Variants in CSMD2 observed in about 807,000 individuals in gnomAD.
The protein encoded by CSMD2 is CUB and sushi domain-containing protein 2.
In CSMD2, 130 loss-of-function variants were observed where a neutral mutation model predicts 398.5. The ratio of observed to expected loss-of-function variants is 0.33; its 90% CI spans 0.28 to 0.38. The LOEUF (loss-of-function observed/expected upper bound fraction) is 0.38, where lower values mean the gene tolerates loss of function less well. CSMD2 is among the 10% of genes least tolerant of loss of function. The probability of loss-of-function intolerance (pLI) is 1.00; values close to 1 mark genes in which losing one functional copy is unlikely to be tolerated. For synonymous variants in CSMD2, 1,828 were observed against 1,908.5 expected (o/e 0.96, Z 1.10); for missense variants, 3,829 against 4,764.9 (o/e 0.80, Z 5.78).
intron 3 of CSMD2, among the ~76,000 whole-genome samples, chr1:34,003,232 C>T (rs1227812673): frequency 2.0e-5 from 3 of 150,854 alleles, no homozygotes; most frequent in Non-Finnish European, 4.4e-5. Context: ...GTGCTGAAAT[C>T]TGTTTGAATT....
At chr1:33,942,425 G>A (rs943944708) in intron 3 of CSMD2, among the ~76,000 whole-genome samples, 1 of 152,240 alleles carries the variant, frequency 6.6e-6, no homozygotes, top group Admixed American at 6.5e-5. Context: ...CCTGCTACCT[G>A]TCAATCAAAT....
intron 3 of CSMD2, among the ~76,000 whole-genome samples, chr1:33,936,223 G>A (rs757757478): frequency 2.0e-5 from 3 of 152,188 alleles, no homozygotes; most frequent in Non-Finnish European, 2.9e-5. Context: ...TTTCTAATGC[G>A]CAGCCATGGA....
At chr1:34,063,647 T>C (rs1290575333) in intron 2 of CSMD2, among the ~76,000 whole-genome samples, 1 of 152,180 alleles carries the variant, frequency 6.6e-6, no homozygotes, top group Non-Finnish European at 1.5e-5. Context: ...GCTGCTTTCA[T>C]GGGCTGGCAT....
At chr1:33,933,592 T>G (rs1644378183) in intron 4 of CSMD2, among the ~76,000 whole-genome samples, 1 of 152,168 alleles carries the variant, frequency 6.6e-6, no homozygotes, top group South Asian at 2.1e-4. Context: ...CCTTGGAAGA[T>G]CAGAATGTTA....
intron 41 of CSMD2, among the ~76,000 whole-genome samples, chr1:33,608,193 T>C (rs1326432514): frequency 6.6e-6 from 1 of 152,186 alleles, no homozygotes; most frequent in Non-Finnish European, 1.5e-5. Flanking sequence ...GTTAGGCCTC[T>C]TCTGTCGAGG....
chr1:33,887,069 C>T (rs1183480993), intron 5 of CSMD2, among the ~76,000 whole-genome samples: 1 of 151,894 alleles, frequency 6.6e-6, no homozygotes, highest in Non-Finnish European at 1.5e-5. Flanking sequence ...CGTTCTCTTT[C>T]TTCTATGACA....
intron 10 of CSMD2, among the ~76,000 whole-genome samples, chr1:33,792,858 G>T (rs1256101871): frequency 6.6e-6 from 1 of 152,190 alleles, no homozygotes; most frequent in Non-Finnish European, 1.5e-5. Context: ...ATCCCCATGG[G>T]CTTGTTGGCA....
chr1:33,728,131 G>C (rs1646599720), intron 15 of CSMD2, among the ~76,000 whole-genome samples: 1 of 152,164 alleles, frequency 6.6e-6, no homozygotes, highest in South Asian at 2.1e-4. Flanking sequence ...TAAATCCAGA[G>C]ATTTTAAGCT....
chr1:33,639,144 C>T (rs1370543709), intron 29 of CSMD2, among the ~76,000 whole-genome samples: 2 of 152,200 alleles, frequency 1.3e-5, no homozygotes, highest in East Asian at 3.9e-4. Context: ...TGGCTGGAAC[C>T]TCAGTTGCCA....
chr1:33,755,502 T>C (rs921705894), intron 13 of CSMD2, among the ~76,000 whole-genome samples: 1 of 152,196 alleles, frequency 6.6e-6, no homozygotes, highest in Non-Finnish European at 1.5e-5. Flanking sequence ...GGATGCAGTC[T>C]AGAAACTCAC....
chr1:33,726,515 G>C lies in CSMD2; in HGVS notation c.2507+32C>G, dbSNP rs116944314. 62 of 1,585,952 alleles carry C rather than the reference G, an allele frequency of 3.9e-5. No individual in the cohort carries two copies. The African/African-American group carries it at 7.7e-4, about 20-fold the overall frequency. The stretch of plus-strand genomic sequence containing the variant: ...GTGGCTCTGTAAAAATCTCCCCCTT[G>C]CCCTCTCCCCCAAGGCTGTGGTCAC... On this transcript the variant is annotated intron_variant, in intron 16 of 70. Coordinates refer to ENST00000373381, the MANE Select transcript of CSMD2 (RefSeq NM_001281956.2).
intron 1 of CSMD2, among the ~76,000 whole-genome samples, chr1:34,127,614 G>A (rs950432265): frequency 6.6e-6 from 1 of 152,154 alleles, no homozygotes; most frequent in African/African-American, 2.4e-5. Context: ...TCCTGTGATG[G>A]AACCAGGGAT....
At chr1:33,531,615 A>T (rs1655241138) in intron 64 of CSMD2, among the ~76,000 whole-genome samples, 2 of 152,262 alleles carry the variant, frequency 1.3e-5, no homozygotes, top group Admixed American at 1.3e-4. Flanking sequence ...TGTCCATATG[A>T]TGAGATATGA....
chr1:33,728,267 T>A (rs890063812), intron 15 of CSMD2, among the ~76,000 whole-genome samples: 3 of 152,126 alleles, frequency 2.0e-5, no homozygotes, highest in African/African-American at 7.2e-5. Flanking sequence ...CTTCTCTCTC[T>A]GCAAAGTTTT....
At chr1:33,680,933 T>TTTC (rs1213551582) in intron 25 of CSMD2, among the ~76,000 whole-genome samples, 5 of 139,436 alleles carry the variant, frequency 3.6e-5, no homozygotes, top group Non-Finnish European at 7.7e-5. Flanking sequence ...TTTTTTTTTT[T>TTTC]TTTTTTTTTG....
chr1:33,930,565 C>A (rs1417879235), intron 4 of CSMD2, among the ~76,000 whole-genome samples: 1 of 152,222 alleles, frequency 6.6e-6, no homozygotes, highest in Non-Finnish European at 1.5e-5. Context: ...CAGCTTTCTC[C>A]CTACCACCTG....
chr1:33,962,342 A>C (rs1167521975), intron 3 of CSMD2, among the ~76,000 whole-genome samples: 1 of 151,884 alleles, frequency 6.6e-6, no homozygotes, highest in Non-Finnish European at 1.5e-5. Flanking sequence ...TACCCAAAAG[A>C]GTTGGGGGTT....
In CSMD2 at chr1:33,856,230, C is replaced by T. The variant is rs563664147; in HGVS notation, c.921-9234G>A. 5.3e-5 allele frequency among the ~76,000 whole-genome samples: 8 copies of T among 152,248 alleles called. No homozygotes were observed. The East Asian group carries it at 5.8e-4, about 11-fold the overall frequency. Reference sequence around the variant, plus strand: ...TTGAACCCAACCCTTCAGAGTAGACCGCAGAGCAGCCTGGCTTAGTTTTCT... The same window carrying T: ...TTGAACCCAACCCTTCAGAGTAGACTGCAGAGCAGCCTGGCTTAGTTTTCT... On this transcript the variant is annotated intron_variant, in intron 5 of 70. Coordinates refer to ENST00000373381, the MANE Select transcript of CSMD2 (RefSeq NM_001281956.2).
Position 33,537,602 on chromosome 1 carries a change from G to A in CSMD2, c.9639C>T (p.Phe3213=). 1 of 1,612,678 alleles carries A rather than the reference G, an allele frequency of 6.2e-7. No homozygotes were observed. The highest frequency in any genetic ancestry group is 8.5e-7 in the Non-Finnish European group (1 of 1,179,216). The part of the protein sequence containing the change: ...TGELPQCFPV[F]CGDPGVPSRG... ...GGGACGGGACACCAGGATCCCCGCA[G>A]AACACAGCTGGGAAGACGAAGGGAG... Residue 3213 remains phenylalanine, a synonymous_variant, in exon 61 of 71, where the codon TTC becomes TTT. Coordinates refer to ENST00000373381, the MANE Select transcript of CSMD2 (RefSeq NM_001281956.2). This position sits in a 1 kb window ranked among gnomAD's most constrained non-coding sequence, Gnocchi z 4.6.
Sources: allele counts gnomAD v4.1 joint callset (sites outside exome capture counted in the v4.1 genomes callset), GRCh38; gene constraint gnomAD v4.1.1; non-coding constraint Gnocchi (gnomAD v3.1); transcripts MANE v1.5; gene names NCBI Gene and HGNC (gene_info 2026-07-23, HGNC 2026-07-21).